Variants in ILDR1 observed in about 807,000 individuals in gnomAD.
ILDR1 encodes the protein immunoglobulin like domain containing receptor 1, also known as immunoglobulin-like domain-containing receptor 1.
ILDR1 carries 56 observed loss-of-function variants against 62.4 expected under a neutral mutation model. The observed-to-expected ratio is 0.90, with a 90% confidence interval of 0.72 to 1.12. The LOEUF (loss-of-function observed/expected upper bound fraction) is 1.12. Among genes scored for constraint, ILDR1 ranks in the 50% most tolerant of loss-of-function variants. The pLI is 0.00. For missense variants in ILDR1, 736 were observed against 710.6 expected (o/e 1.04, Z -0.41); for synonymous variants, 284 against 277.8 (o/e 1.02, Z -0.22).
upstream of ILDR1, among the ~76,000 whole-genome samples, chr3:122,023,115 TTTATTTATTCTA>T (rs2071889350): frequency 1.3e-5 from 2 of 151,076 alleles, no homozygotes; most frequent in South Asian, 2.1e-4. Context: ...GGTATATTTA[TTTATTTATTCTA>T]TTATTTATTC....
chr3:122,025,936 T>G (rs924929307), upstream of ILDR1, among the ~76,000 whole-genome samples: 4 of 152,292 alleles, frequency 2.6e-5, no homozygotes, highest in Admixed American at 1.3e-4. Flanking sequence ...GCACTCTTTA[T>G]CAATAATTCC....
chr3:122,038,823 T>C, the ILDR1 span, among the ~76,000 whole-genome samples: 1 of 152,060 alleles, frequency 6.6e-6, no homozygotes, highest in Non-Finnish European at 1.5e-5. Context: ...AAATGCTAGA[T>C]ATAAAAAATT....
the ILDR1 span, among the ~76,000 whole-genome samples, chr3:122,027,576 T>C: frequency 6.6e-6 from 1 of 152,174 alleles, no homozygotes; most frequent in South Asian, 2.1e-4. Flanking sequence ...AGGATGACAA[T>C]TCTTCCCAAA....
chr3:122,022,825 G>A (rs1466505081), upstream of ILDR1, among the ~76,000 whole-genome samples: 1 of 152,060 alleles, frequency 6.6e-6, no homozygotes, highest in Admixed American at 6.6e-5. Context: ...AGGCCCGAGA[G>A]TTACTTGAAC....
intron 1 of ILDR1, among the ~76,000 whole-genome samples, chr3:122,011,451 A>G (rs1444294996): frequency 2.0e-5 from 3 of 152,162 alleles, no homozygotes; most frequent in South Asian, 4.1e-4. Context: ...ACCTTTACCA[A>G]CGTCAGCACT....
At chr3:122,058,540 A>G in the ILDR1 span, among the ~76,000 whole-genome samples, 1 of 152,170 alleles carries the variant, frequency 6.6e-6, no homozygotes, top group Non-Finnish European at 1.5e-5. Flanking sequence ...TAAAGTCTCA[A>G]GACCTGGGTA....
chr3:121,997,361 C>G (rs548428058), intron 5 of ILDR1, among the ~76,000 whole-genome samples: 1 of 152,330 alleles, frequency 6.6e-6, no homozygotes, highest in South Asian at 2.1e-4. Flanking sequence ...TAGGAAACTA[C>G]CAGCAGATGC....
the ILDR1 span, among the ~76,000 whole-genome samples, chr3:122,059,128 G>T: frequency 6.6e-6 from 1 of 152,092 alleles, no homozygotes; most frequent in Admixed American, 6.5e-5. Context: ...AGATGTCCAA[G>T]CAGACAAGTA....
the ILDR1 span, among the ~76,000 whole-genome samples, chr3:122,035,272 A>T: frequency 2.6e-5 from 4 of 152,226 alleles, no homozygotes; most frequent in Non-Finnish European, 4.4e-5. Flanking sequence ...TATCCCTGGG[A>T]GAAGGGCAAG....
chr3:122,036,702 G>A, the ILDR1 span, among the ~76,000 whole-genome samples: 2 of 152,176 alleles, frequency 1.3e-5, no homozygotes, highest in African/African-American at 4.8e-5. Context: ...CCTGCTGCAG[G>A]AATTTGCATA....
At chr3:122,008,043 G>C (rs1471528691) in intron 1 of ILDR1, among the ~76,000 whole-genome samples, 1 of 152,162 alleles carries the variant, frequency 6.6e-6, no homozygotes, top group Non-Finnish European at 1.5e-5. Flanking sequence ...CCAGTACTGT[G>C]CCTGTCACCT....
chr3:122,039,092 A>T, the ILDR1 span, among the ~76,000 whole-genome samples: 1 of 152,098 alleles, frequency 6.6e-6, no homozygotes, highest in Non-Finnish European at 1.5e-5. Flanking sequence ...ACACAGAACC[A>T]CCAAGAGCTG....
At chr3:122,012,353 T>G (rs567674643) in intron 1 of ILDR1, among the ~76,000 whole-genome samples, 1 of 152,246 alleles carries the variant, frequency 6.6e-6, no homozygotes, top group Non-Finnish European at 1.5e-5. Context: ...TCCTTTATCC[T>G]GTGGAATTTT....
the ILDR1 span, among the ~76,000 whole-genome samples, chr3:122,037,273 G>A: frequency 1.3e-5 from 2 of 152,154 alleles, no homozygotes; most frequent in Non-Finnish European, 2.9e-5. Context: ...CTCACACCGT[G>A]TACCTGAAAA....
At chr3:122,038,751 G>A in the ILDR1 span, among the ~76,000 whole-genome samples, 2 of 152,128 alleles carry the variant, frequency 1.3e-5, no homozygotes, top group African/African-American at 4.8e-5. Context: ...AGGGTAAATA[G>A]CATGTAAGCT....
rs1161641044 is a variant in ILDR1, at chr3:122,022,172, G to A, written c.-95C>T. 16 of 1,110,750 alleles carry A rather than the reference G, an allele frequency of 1.4e-5. No homozygotes were observed. The highest frequency in any genetic ancestry group is 2.1e-5 in the Non-Finnish European group (16 of 766,578). The allele number at this position is 1,110,750 out of a possible 1,614,324, so 68.8% of individuals were successfully genotyped here. A position where few individuals can be genotyped will look rare whatever the true frequency, so the allele number is the denominator to read the frequency against. On this transcript the variant is annotated 5_prime_UTR_variant, in exon 1 of 8. Coordinates refer to ENST00000344209, the MANE Select transcript of ILDR1 (RefSeq NM_001199799.2). ...CCCCAGGACGCACCACCTTCTCCAA[G>A]GAACCCCTCGGGTTTCCCCTCCCTC...
chr3:121,995,952 C>T (rs1427361985), intron 5 of ILDR1, among the ~76,000 whole-genome samples: 1 of 152,140 alleles, frequency 6.6e-6, no homozygotes, highest in Non-Finnish European at 1.5e-5. Flanking sequence ...TGTGCCGCAC[C>T]GCCAAGTCCC....
chr3:122,007,012 T>C lies in ILDR1; in HGVS notation c.208A>G (p.Ile70Val). 1.2e-6 allele frequency: 2 copies of C among 1,612,942 alleles called. No individual in the cohort carries two copies. The highest frequency in any genetic ancestry group is 1.7e-6 in the Non-Finnish European group (2 of 1,179,974). ...WRFKSFCKDP[I>V]FDYYSASYQA... is the part of the protein sequence containing the mutation. ...TCACACGCTGAGTAGTAGTCAAAGA[T>C]AGGGTCCTTGCAGAAGGACTTGAAG... is the stretch of plus-strand genomic sequence containing the variant. The change falls in exon 2 of 8, where the codon ATC becomes GTC. Residue 70 changes from isoleucine (I) to valine (V), a missense_variant. By Grantham distance (29) the Ile-to-Val change is conservative. Transcript: ENST00000344209.
intron 1 of ILDR1, 108 bp downstream of exon 1, chr3:122,021,912 G>T: frequency 1.9e-6 from 2 of 1,059,162 alleles, no homozygotes; most frequent in Non-Finnish European, 1.4e-6. Flanking sequence ...CCACCAGAGC[G>T]CGGCCCAGGC....
Sources: gnomAD v4.1 joint callset for allele counts (sites outside exome capture counted in the v4.1 genomes callset) on GRCh38, gnomAD v4.1.1 for gene constraint, MANE v1.5 for transcripts, NCBI Gene and HGNC (gene_info 2026-07-23, HGNC 2026-07-21) for gene names.